Variants in KCND2 observed in about 807,000 individuals in gnomAD.
KCND2 encodes A-type voltage-gated potassium channel KCND2.
A neutral mutation model predicts 54.4 loss-of-function variants in KCND2; 16 were observed. That is an observed-to-expected ratio of 0.29 (90% CI 0.20 to 0.45). KCND2 has a LOEUF of 0.45. Among genes scored for constraint, KCND2 ranks in the 20% least tolerant of loss-of-function variants. The pLI, the probability that KCND2 is intolerant of heterozygous loss-of-function variation, is 1.00. For synonymous variants in KCND2, 317 were observed against 310.7 expected, an observed-to-expected ratio of 1.02 and a Z score of -0.21; for missense variants, 486 against 824.2, an observed-to-expected ratio of 0.59 and a Z score of 5.02.
chr7:120,741,382 AG>A, intron 2 of KCND2, 151 bp from the exon 3 acceptor site: 3 of 650,846 alleles, frequency 4.6e-6, no homozygotes, highest in Non-Finnish European at 8.4e-6. Context: ...GCACTTAAAA[AG>A]GTAGAGAGGT....
chr7:120,665,351 T>A (rs138600028), intron 1 of KCND2, among the ~76,000 whole-genome samples: 34 of 152,210 alleles, frequency 2.2e-4, no homozygotes, highest in African/African-American at 7.9e-4. Flanking sequence ...TGTGACATAT[T>A]TACCTCTCTC....
intron 1 of KCND2, among the ~76,000 whole-genome samples, chr7:120,586,603 A>G (rs1240496156): frequency 6.6e-6 from 1 of 152,198 alleles, no homozygotes; most frequent in African/African-American, 2.4e-5. Flanking sequence ...GTATTCTTGC[A>G]CATTTTGTAG....
At chr7:120,575,875 T>C (rs1393052575) in intron 1 of KCND2, among the ~76,000 whole-genome samples, 43 of 152,182 alleles carry the variant, frequency 2.8e-4, no homozygotes, top group Admixed American at 2.8e-3. Context: ...CTCAGCTTTC[T>C]CATATCTAAA....
intron 1 of KCND2, among the ~76,000 whole-genome samples, chr7:120,516,369 C>T (rs564453053): frequency 2.0e-5 from 3 of 152,034 alleles, no homozygotes; most frequent in South Asian, 2.1e-4. Context: ...TACATGTATC[C>T]GTCCATATAA....
chr7:120,733,016 G>C lies in KCND2; in HGVS notation c.1229G>C (p.Ser410Thr). ...LPVPVIVSNF[S>T]RIYHQNQRAD... ...GTTCCGGTGATTGTATCCAACTTCA[G>C]TCGCATCTACCACCAGAATCAACGA... The change falls in exon 2 of 6, where the codon AGT becomes ACT. Residue 410 changes from serine to threonine, a missense_variant. By Grantham distance (58) the Ser-to-Thr change is moderately conservative. This residue lies in a region of KCND2 where 11 missense variants were observed against 21.4 expected (regional missense o/e 0.51). Transcript: ENST00000331113. 6.2e-7 allele frequency: 1 copy of C among 1,613,618 alleles called. No homozygotes were observed. Among genetic ancestry groups the C allele is most frequent in the Non-Finnish European group, 8.5e-7 (1 of 1,179,750 alleles).
intron 3 of KCND2, among the ~76,000 whole-genome samples, 153 bp downstream of exon 3, chr7:120,741,782 C>G (rs1208393540): frequency 7.9e-5 from 12 of 151,740 alleles, no homozygotes; most frequent in Non-Finnish European, 1.6e-4. Context: ...ATAACTTCAC[C>G]CTGTACATCC....
chr7:120,514,939 G>A (rs757030098), intron 1 of KCND2, among the ~76,000 whole-genome samples: 1 of 152,036 alleles, frequency 6.6e-6, no homozygotes, highest in Non-Finnish European at 1.5e-5. Flanking sequence ...GATAGTGATT[G>A]TGTAGTACCG....
At chr7:120,613,193 G>A (rs548394973) in intron 1 of KCND2, among the ~76,000 whole-genome samples, 9 of 151,476 alleles carry the variant, frequency 5.9e-5, no homozygotes, top group Admixed American at 1.3e-4. Context: ...ATCGGTTTTC[G>A]TAACTCTCTG....
chr7:120,505,830 A>G (rs1486803390), intron 1 of KCND2, among the ~76,000 whole-genome samples: 7 of 151,864 alleles, frequency 4.6e-5, no homozygotes, highest in Non-Finnish European at 1.0e-4. Context: ...GTCTAATTTT[A>G]CATACCATTA....
intron 1 of KCND2, among the ~76,000 whole-genome samples, chr7:120,634,240 A>G (rs1793275878): frequency 6.6e-6 from 1 of 152,158 alleles, no homozygotes; most frequent in South Asian, 2.1e-4. Context: ...TATGTATTGA[A>G]CAATAATACT....
At chr7:120,518,084 G>A (rs1803221256) in intron 1 of KCND2, among the ~76,000 whole-genome samples, 1 of 152,000 alleles carries the variant, frequency 6.6e-6, no homozygotes. Flanking sequence ...AGGGATCTGT[G>A]GCCATATCTC....
At chr7:120,632,557 A>C (rs959953692) in intron 1 of KCND2, among the ~76,000 whole-genome samples, 1 of 152,190 alleles carries the variant, frequency 6.6e-6, no homozygotes, top group Non-Finnish European at 1.5e-5. Flanking sequence ...ATTTTATAAC[A>C]AGATTTTTTA....
intron 1 of KCND2, among the ~76,000 whole-genome samples, chr7:120,601,243 T>C (rs1772428446): frequency 6.6e-6 from 1 of 152,144 alleles, no homozygotes; most frequent in Admixed American, 6.6e-5. Flanking sequence ...TATTTACTCA[T>C]ATTTCTGACC....
At chr7:120,454,797 C>T (rs62472316) in intron 1 of KCND2, among the ~76,000 whole-genome samples, 11,950 of 152,096 alleles carry the variant, frequency 0.079, 607 homozygotes, top group Admixed American at 0.13. Context: ...AGTCTCTGTC[C>T]AAAACCTCCT....
intron 1 of KCND2, among the ~76,000 whole-genome samples, chr7:120,470,542 C>T (rs1229418170): frequency 6.6e-6 from 1 of 152,064 alleles, no homozygotes. Context: ...CTCCTCCTCC[C>T]AGAGTTCCTT....
At chr7:120,745,745 C>T (rs781090457) in intron 4 of KCND2, 35 bp from the exon 5 acceptor site, 1 of 1,612,180 alleles carries the variant, frequency 6.2e-7, no homozygotes, top group Non-Finnish European at 8.5e-7. Context: ...AAATGTGCTT[C>T]TCTGTTTCTT....
chr7:120,575,079 G>A (rs983829671), intron 1 of KCND2, among the ~76,000 whole-genome samples: 6 of 151,856 alleles, frequency 4.0e-5, no homozygotes, highest in Non-Finnish European at 5.9e-5. Flanking sequence ...ATAGATATTC[G>A]TATCTAATAG....
At position 120,580,917 on chromosome 7, in the gene KCND2, C is replaced by T. The variant is rs569634978; in HGVS notation, c.1116-151986C>T. ...TTACCTTAGTGTAAGGATAGTTGAA[C>T]ATGGATTCTTAAATTCAGTAGAAAA... On this transcript the variant is annotated intron_variant, in intron 1 of 5. Transcript: ENST00000331113. Among the ~76,000 whole-genome samples, 4 of 152,294 alleles carry T rather than the reference C, an allele frequency of 2.6e-5. No homozygotes were observed. In the East Asian group the frequency reaches 5.8e-4, roughly 22 times the overall value.
chr7:120,691,414 T>C (rs965592735), intron 1 of KCND2, among the ~76,000 whole-genome samples: 2 of 152,078 alleles, frequency 1.3e-5, no homozygotes, highest in Non-Finnish European at 2.9e-5. Context: ...GATTGGACAG[T>C]AAATATATTT....
Sources: allele counts gnomAD v4.1 joint callset (sites outside exome capture counted in the v4.1 genomes callset), GRCh38; gene constraint gnomAD v4.1.1; regional missense constraint gnomAD v4.1.1; transcripts MANE v1.5; gene names NCBI Gene and HGNC (gene_info 2026-07-23, HGNC 2026-07-21).